Variants in WWOX observed in about 807,000 individuals in gnomAD.
The protein encoded by WWOX is WW domain containing oxidoreductase.
Under a neutral mutation model 46.2 loss-of-function variants are expected in WWOX, and 69 were observed. The ratio of observed to expected loss-of-function variants is 1.49; its 90% CI spans 1.23 to 1.82. The LOEUF is 1.82. Ranked by LOEUF, WWOX falls within the 40% of genes most tolerant of loss-of-function variation. The pLI is 0.00. For missense variants in WWOX, 919 were observed against 542.6 expected (o/e 1.69, Z -6.89); for synonymous variants, 359 against 202.6 (o/e 1.77, Z -6.56).
intron 8 of WWOX, among the ~76,000 whole-genome samples, chr16:78,710,494 A>ATATATATATATATATATATATT (rs1192148326): frequency 7.4e-6 from 1 of 135,642 alleles, no homozygotes; most frequent in Non-Finnish European, 1.6e-5. Flanking sequence ...ATATATATAT[A>ATATATATATATATATATATATT]TATATTTATA....
rs905595862 is a variant in WWOX, at chr16:78,261,190, T to C, written c.516+96901T>C. Reference sequence around the variant, plus strand: ...TTTATATGGTGGCCAAAAAAGCAGATTGGTATCATGCTTTATGTGTGTTCA... The same window carrying C: ...TTTATATGGTGGCCAAAAAAGCAGACTGGTATCATGCTTTATGTGTGTTCA... On this transcript the variant is annotated intron_variant, in intron 5 of 8. Transcript: ENST00000566780. Among the ~76,000 whole-genome samples the C allele has an allele frequency of 1.4e-4, 21 of 150,948 alleles. No individual in the cohort carries two copies. The South Asian group carries it at 1.9e-3, about 13-fold the overall frequency.
chr16:78,492,788 A>C (rs1224859675), intron 8 of WWOX, among the ~76,000 whole-genome samples: 1 of 152,110 alleles, frequency 6.6e-6, no homozygotes, highest in Non-Finnish European at 1.5e-5. Context: ...TTTGTTTTCC[A>C]CCATTTGTAG....
chr16:78,490,331 C>T (rs993759004), intron 8 of WWOX, among the ~76,000 whole-genome samples: 1 of 152,090 alleles, frequency 6.6e-6, no homozygotes, highest in African/African-American at 2.4e-5. Flanking sequence ...CTTTCAGGTA[C>T]AATCAGTCTA....
intron 8 of WWOX, among the ~76,000 whole-genome samples, chr16:79,177,989 A>G (rs8049501): frequency 0.54 from 82,234 of 151,918 alleles, 23,013 homozygotes; most frequent in East Asian, 0.91. Context: ...CTCATAGATG[A>G]TGACTTCTTG....
At chr16:79,158,928 A>C (rs2150746189) in intron 8 of WWOX, among the ~76,000 whole-genome samples, 1 of 152,332 alleles carries the variant, frequency 6.6e-6, no homozygotes, top group East Asian at 1.9e-4. Context: ...TGCCCAGGAC[A>C]CACCAGGAAC....
chr16:78,962,382 G>A (rs1451069112), intron 8 of WWOX, among the ~76,000 whole-genome samples: 1 of 137,604 alleles, frequency 7.3e-6, no homozygotes, highest in Non-Finnish European at 1.5e-5. Context: ...AAGGCCCAAA[G>A]GCTCTGGACA....
chr16:78,355,580 C>T (rs780034224), intron 5 of WWOX: 17 of 490,522 alleles, frequency 3.5e-5, no homozygotes, highest in Non-Finnish European at 4.8e-5. Flanking sequence ...GGAGGATCCC[C>T]TGGATCTTAG....
chr16:79,071,599 TC>T (rs2048552564), intron 8 of WWOX, among the ~76,000 whole-genome samples: 2 of 152,254 alleles, frequency 1.3e-5, no homozygotes, highest in South Asian at 4.1e-4. Context: ...CAGCCTCCTG[TC>T]CCATTACACG....
Position 78,110,862 on chromosome 16 carries a change from C to A in WWOX, c.230+1027C>A, listed in dbSNP as rs73562783. 5.7e-3 allele frequency among the ~76,000 whole-genome samples: 867 copies of A among 152,322 alleles called. 6 individuals are homozygous for A. Among genetic ancestry groups the A allele is most frequent in the African/African-American group, 0.02 (826 of 41,554 alleles). ...TAGCACAGCCAGGCTTTGAGCCCAG[C>A]ACCTGCTCCAGGGACTGTACTCTTG... On this transcript the variant is annotated intron_variant, in intron 3 of 8. Coordinates refer to ENST00000566780, the MANE Select transcript of WWOX (RefSeq NM_016373.4).
chr16:79,137,195 G>T (rs1249844729), intron 8 of WWOX, among the ~76,000 whole-genome samples: 6 of 152,162 alleles, frequency 3.9e-5, no homozygotes, highest in Non-Finnish European at 7.3e-5. Flanking sequence ...TAATGTGGCG[G>T]TTTTATTATG....
chr16:78,113,089 C>G (rs145467270), intron 3 of WWOX, among the ~76,000 whole-genome samples: 1 of 152,150 alleles, frequency 6.6e-6, no homozygotes, highest in Non-Finnish European at 1.5e-5. Context: ...AAAGTTACTC[C>G]CTGAAATGGG....
At chr16:78,920,075 C>T (rs1456976446) in intron 8 of WWOX, among the ~76,000 whole-genome samples, 1 of 152,134 alleles carries the variant, frequency 6.6e-6, no homozygotes, top group East Asian at 1.9e-4. Flanking sequence ...CCCACCATGC[C>T]ATAGCTTGCA....
At chr16:78,925,216 C>T (rs989758601) in intron 8 of WWOX, among the ~76,000 whole-genome samples, 5 of 152,208 alleles carry the variant, frequency 3.3e-5, no homozygotes, top group East Asian at 1.9e-4. Flanking sequence ...AAAAAGAAAA[C>T]GTGCTCATTG....
intron 8 of WWOX, chr16:79,204,254 T>G (rs2051435461): frequency 6.6e-6 from 1 of 152,072 alleles, no homozygotes; most frequent in Admixed American, 6.6e-5. Context: ...ATATAAGACA[T>G]CATCAACAAT....
At chr16:79,107,576 C>T (rs1473979451) in intron 8 of WWOX, among the ~76,000 whole-genome samples, 3 of 152,192 alleles carry the variant, frequency 2.0e-5, no homozygotes, top group Non-Finnish European at 4.4e-5. Flanking sequence ...CCTGACTTAG[C>T]AGCCTGATTT....
chr16:78,505,118 C>T (rs2085162055), intron 8 of WWOX, among the ~76,000 whole-genome samples: 1 of 152,134 alleles, frequency 6.6e-6, no homozygotes, highest in African/African-American at 2.4e-5. Context: ...AGCGTTCACA[C>T]CAGGCAGCCC....
At chr16:79,053,412 A>C (rs1156241295) in intron 8 of WWOX, among the ~76,000 whole-genome samples, 1 of 152,170 alleles carries the variant, frequency 6.6e-6, no homozygotes, top group Non-Finnish European at 1.5e-5. Context: ...TAAGTACCTA[A>C]AGTTGTGTTA....
At chr16:79,072,329 C>A (rs1005214563) in intron 8 of WWOX, among the ~76,000 whole-genome samples, 1 of 152,116 alleles carries the variant, frequency 6.6e-6, no homozygotes, top group Non-Finnish European at 1.5e-5. Flanking sequence ...CATATGCATT[C>A]TCAACTCTGC....
chr16:78,157,195 G>A (rs904118220), intron 4 of WWOX, among the ~76,000 whole-genome samples: 2 of 152,146 alleles, frequency 1.3e-5, no homozygotes, highest in African/African-American at 4.8e-5. Context: ...CTGGGTGTGT[G>A]AAGTCCCGGG....
Sources: gnomAD v4.1 joint callset for allele counts (sites outside exome capture counted in the v4.1 genomes callset) on GRCh38, gnomAD v4.1.1 for gene constraint, MANE v1.5 for transcripts, NCBI Gene and HGNC (gene_info 2026-07-23, HGNC 2026-07-21) for gene names.